Variants in EML4 observed in about 807,000 individuals in gnomAD.
EML4 encodes echinoderm microtubule-associated protein-like 4.
Under a neutral mutation model 129.0 loss-of-function variants are expected in EML4, and 72 were observed. The ratio of observed to expected loss-of-function variants is 0.56; its 90% CI spans 0.46 to 0.68. The LOEUF (loss-of-function observed/expected upper bound fraction) is 0.68, where lower values mean the gene tolerates loss of function less well. Ranked by LOEUF, EML4 falls within the 30% of genes least tolerant of loss-of-function variation. The pLI, the probability that EML4 is intolerant of heterozygous loss-of-function variation, is 0.00. For synonymous variants in EML4, 532 were observed against 405.0 expected (o/e 1.31, Z -3.77); for missense variants, 1,363 against 1,190.6 (o/e 1.14, Z -2.13).
chr2:42,245,094 C>CTTTCTTTTTTTTTTT (rs1336279430), intron 1 of EML4, among the ~76,000 whole-genome samples: 1 of 66,568 alleles, frequency 1.5e-5, no homozygotes, highest in African/African-American at 6.5e-5. Flanking sequence ...AATTTTCTTT[C>CTTTCTTTTTTTTTTT]TTTTTTTTTT....
Position 42,325,572 on chromosome 2 carries a change from TA to T in EML4, c.2242+19del. On this transcript the variant is annotated intron_variant, in intron 20 of 22. Transcript: ENST00000318522. ...ATTGTACTGTAAGTATGAATGATTT[TA>T]TATATATATATATATGCTATGATTA... The T allele has an allele frequency of 6.2e-6, 2 of 322,954 alleles. No homozygotes were observed. The highest frequency in any genetic ancestry group is 1.0e-5 in the Non-Finnish European group (2 of 191,954). 20.0% of individuals were successfully genotyped at this position (322,954 alleles called of 1,614,324 possible). A position where few individuals can be genotyped will look rare whatever the true frequency, so the allele number is the denominator to read the frequency against.
At chr2:42,191,395 C>T (rs913690448) in intron 1 of EML4, among the ~76,000 whole-genome samples, 1 of 152,086 alleles carries the variant, frequency 6.6e-6, no homozygotes, top group Non-Finnish European at 1.5e-5. Flanking sequence ...GTTTCCCTCC[C>T]TCAACACTAG....
At chr2:42,183,627 AT>A (rs1671078994) in intron 1 of EML4, among the ~76,000 whole-genome samples, 1 of 152,172 alleles carries the variant, frequency 6.6e-6, no homozygotes. Flanking sequence ...GCAGGCTTCC[AT>A]TCTCAGTTCC....
chr2:42,281,473 T>G (rs1356082076), intron 7 of EML4, among the ~76,000 whole-genome samples: 6 of 152,152 alleles, frequency 3.9e-5, no homozygotes, highest in Non-Finnish European at 5.9e-5. Flanking sequence ...TTTATATCTT[T>G]GGAAAGGATA....
intron 1 of EML4, among the ~76,000 whole-genome samples, chr2:42,212,381 C>A (rs146579580): frequency 6.6e-6 from 1 of 152,050 alleles, no homozygotes; most frequent in African/African-American, 2.4e-5. Flanking sequence ...TATTATACTT[C>A]CATATTTTAA....
chr2:42,247,843 G>A (rs1017400405), intron 2 of EML4, among the ~76,000 whole-genome samples: 3 of 151,960 alleles, frequency 2.0e-5, no homozygotes, highest in Non-Finnish European at 4.4e-5. Flanking sequence ...TATAAGCTTT[G>A]TATAGAGAGG....
chr2:42,213,875 A>T lies in EML4; in HGVS notation c.26-31630A>T, dbSNP rs913359664. Reference sequence around the variant, plus strand: ...TTAAGGATATTGATGACTTGTTTAGATACATCAATTTAAGTTTCTTTTATG... The same window carrying T: ...TTAAGGATATTGATGACTTGTTTAGTTACATCAATTTAAGTTTCTTTTATG... On this transcript the variant is annotated intron_variant, in intron 1 of 22. Coordinates refer to ENST00000318522, the MANE Select transcript of EML4 (RefSeq NM_019063.5). Among the ~76,000 whole-genome samples the T allele has an allele frequency of 2.6e-5, 4 of 152,240 alleles. No individual in the cohort carries two copies. The East Asian group carries it at 7.7e-4, about 29-fold the overall frequency.
intron 1 of EML4, among the ~76,000 whole-genome samples, chr2:42,188,966 G>A (rs1461217008): frequency 2.0e-5 from 3 of 152,162 alleles, no homozygotes; most frequent in African/African-American, 7.2e-5. Context: ...AGCAAAATCA[G>A]TAAAAAGAGC....
intron 1 of EML4, among the ~76,000 whole-genome samples, chr2:42,203,108 G>T (rs557417539): frequency 3.0e-4 from 46 of 152,298 alleles, no homozygotes; most frequent in African/African-American, 1.1e-3. Flanking sequence ...TCACCATAAA[G>T]AAGTAAGTAT....
chr2:42,306,540 T>G (rs1159153894), intron 17 of EML4, among the ~76,000 whole-genome samples: 1 of 136,630 alleles, frequency 7.3e-6, no homozygotes, highest in Non-Finnish European at 1.5e-5. Context: ...TCACCCAAGC[T>G]GGAGTGCAAT....
intron 11 of EML4, chr2:42,288,820 C>G (rs1254761058): frequency 6.6e-6 from 1 of 152,204 alleles, no homozygotes; most frequent in Non-Finnish European, 1.5e-5. Flanking sequence ...CTTTACAGTA[C>G]AAGGGTTGAT....
In EML4 at chr2:42,316,187, A is replaced by G. The variant is rs1572747785; in HGVS notation, c.2056+137A>G. The G allele has an allele frequency of 2.4e-5, 12 of 499,366 alleles. No individual in the cohort carries two copies. In the East Asian group the frequency reaches 3.9e-4, roughly 16 times the overall value. 30.9% of individuals were successfully genotyped at this position (499,366 alleles called of 1,614,324 possible). A position where few individuals can be genotyped will look rare whatever the true frequency, so the allele number is the denominator to read the frequency against. ...AAGTATTAAATCTGTTTCCCCCAAC[A>G]TCAAATTAAATTCTGCTGCCAGAAA... is the stretch of plus-strand genomic sequence containing the variant. On this transcript the variant is annotated intron_variant, in intron 18 of 22. Coordinates refer to ENST00000318522, the MANE Select transcript of EML4 (RefSeq NM_019063.5).
At position 42,301,284 on chromosome 2, in the gene EML4, T is replaced by C; in HGVS notation, c.1533T>C (p.Ser511=). Residue 511 remains serine, a synonymous_variant, in exon 14 of 23, where the codon AGT becomes AGC. Coordinates refer to ENST00000318522, the MANE Select transcript of EML4 (RefSeq NM_019063.5). ...ISKQIKAHDG[S]VFTLCQMRNG... is the part of the protein sequence containing the mutation. ...AACAAATCAAAGCTCATGATGGCAG[T>C]GTGTTCACACTTTGTCAGATGAGAA... is the stretch of plus-strand genomic sequence containing the variant. The C allele has an allele frequency of 6.2e-7, 1 of 1,613,068 alleles. No homozygotes were observed. The highest frequency in any genetic ancestry group is 1.3e-5 in the African/African-American group (1 of 74,964).
At chr2:42,314,113 C>CT (rs1553394262) in intron 17 of EML4, among the ~76,000 whole-genome samples, 3 of 152,124 alleles carry the variant, frequency 2.0e-5, no homozygotes, top group Non-Finnish European at 4.4e-5. Flanking sequence ...AATCCCAGCA[C>CT]TTTGGGAGCC....
chr2:42,325,604 A>ATATATATATATGCTATGAT (rs1669756065), intron 20 of EML4, 50 bp downstream of exon 20: 1 of 37,714 alleles, frequency 2.7e-5, no homozygotes, highest in African/African-American at 3.8e-4. Context: ...GATTATATTT[A>ATATATATATATGCTATGAT]TATATATATA....
At chr2:42,317,396 C>T in intron 18 of EML4, 31 bp from the exon 19 acceptor site, 1 of 1,309,616 alleles carries the variant, frequency 7.6e-7, no homozygotes, top group Non-Finnish European at 1.1e-6. Context: ...CAGTATATTT[C>T]TCTAGTCAAC....
At chr2:42,170,618 G>A (rs1045102675) in intron 1 of EML4, among the ~76,000 whole-genome samples, 1 of 152,328 alleles carries the variant, frequency 6.6e-6, no homozygotes, top group East Asian at 1.9e-4. Flanking sequence ...ACTATTCTTC[G>A]AGGCCATTGA....
At position 42,295,214 on chromosome 2, in the gene EML4, G is replaced by A; in HGVS notation, c.1308G>A (p.Trp436Ter). 6.2e-7 allele frequency: 1 copy of A among 1,613,266 alleles called. No homozygotes were observed. Among genetic ancestry groups the A allele is most frequent in the Non-Finnish European group, 8.5e-7 (1 of 1,179,840 alleles). The change falls in exon 12 of 23, where the codon TGG (tryptophan) becomes TGA (stop). Residue 436 changes from tryptophan (W) to a stop codon, truncating the protein, a stop_gained. Transcript: ENST00000318522. LOFTEE classifies it high-confidence loss of function. ...ITCGKSHIFFWTWSGNSLTRK... is the reference protein window; with the variant it reads ...ITCGKSHIFF ...GCGGTAAATCTCATATTTTCTTCTG[G>A]ACCTGGAGCGGCAATTCACTAACAA...
chr2:42,200,196 G>A (rs1044724964), intron 1 of EML4, among the ~76,000 whole-genome samples: 13 of 151,628 alleles, frequency 8.6e-5, no homozygotes, highest in Non-Finnish European at 1.2e-4. Flanking sequence ...ATGGTGGTGG[G>A]CACCTGTAGT....
Sources: gnomAD v4.1 joint callset for allele counts (sites outside exome capture counted in the v4.1 genomes callset) on GRCh38, gnomAD v4.1.1 for gene constraint, MANE v1.5 for transcripts, NCBI Gene and HGNC (gene_info 2026-07-23, HGNC 2026-07-21) for gene names.